The following CD2AP variants were observed in gnomAD, a reference collection of about 807,000 sequenced individuals.
The protein encoded by CD2AP is CD2-associated protein.
In CD2AP, 46 loss-of-function variants were observed where a neutral mutation model predicts 85.1. The observed-to-expected ratio is 0.54, with a 90% confidence interval of 0.43 to 0.69. The LOEUF (loss-of-function observed/expected upper bound fraction) is 0.69. CD2AP is among the 30% of genes least tolerant of loss of function. The probability of loss-of-function intolerance (pLI) is 0.00; values close to 1 mark genes in which losing one functional copy is unlikely to be tolerated. For synonymous variants in CD2AP, 255 were observed against 252.9 expected (o/e 1.01, Z -0.08); for missense variants, 769 against 729.5 (o/e 1.05, Z -0.62).
intron 2 of CD2AP, among the ~76,000 whole-genome samples, chr6:47,529,942 A>T (rs1766828641): frequency 6.6e-6 from 1 of 152,126 alleles, no homozygotes; most frequent in African/African-American, 2.4e-5. Context: ...TGTTGTCTTC[A>T]TTCCTCAGAA....
intron 10 of CD2AP, among the ~76,000 whole-genome samples, chr6:47,581,234 T>C (rs535009896): frequency 1.3e-5 from 2 of 152,320 alleles, no homozygotes; most frequent in South Asian, 4.1e-4. Flanking sequence ...CATTTGTTAA[T>C]GTCTCAAATA....
rs200798500 is a variant in CD2AP, at chr6:47,595,959, A to C, written c.1207A>C (p.Arg403=). The change falls in exon 12 of 18, where the codon AGA becomes CGA. Residue 403 remains arginine (R), a synonymous_variant. Coordinates refer to ENST00000359314, the MANE Select transcript of CD2AP (RefSeq NM_012120.3). ...ACCTACCAAAGCCAGTAATTTACTG[A>C]GATCTTCTGGAACAGTGTACCCAAA... ...TPPTKASNLL[R]SSGTVYPKRP... 4 of 1,612,262 alleles carry C rather than the reference A, an allele frequency of 2.5e-6. No homozygotes were observed. The African/African-American group carries it at 4.0e-5, about 16-fold the overall frequency.
intron 5 of CD2AP, among the ~76,000 whole-genome samples, chr6:47,555,264 C>T (rs990012577): frequency 6.6e-6 from 1 of 152,126 alleles, no homozygotes; most frequent in Non-Finnish European, 1.5e-5. Context: ...ATTTGCTCAC[C>T]ATTTAAGAGT....
intron 4 of CD2AP, chr6:47,545,222 G>A (rs1767332873): frequency 6.4e-6 from 1 of 155,292 alleles, no homozygotes; most frequent in Admixed American, 6.4e-5. Context: ...CTCACATTGT[G>A]AACTTTTGCT....
intron 1 of CD2AP, among the ~76,000 whole-genome samples, chr6:47,497,380 C>A (rs1415838731): frequency 2.0e-5 from 3 of 149,566 alleles, no homozygotes; most frequent in Non-Finnish European, 4.4e-5. Flanking sequence ...CTTCTCCTTC[C>A]CTGTCGCCTT....
At chr6:47,485,991 A>AT (rs1437613919) in intron 1 of CD2AP, among the ~76,000 whole-genome samples, 1 of 152,218 alleles carries the variant, frequency 6.6e-6, no homozygotes, top group African/African-American at 2.4e-5. Flanking sequence ...CCTAAGATGC[A>AT]TCCCCATTGT....
At chr6:47,599,485 A>T in intron 13 of CD2AP, 42 bp downstream of exon 13, 1 of 1,553,992 alleles carries the variant, frequency 6.4e-7, no homozygotes. Flanking sequence ...AAAAAAAAAA[A>T]TTGTCAAAGA....
chr6:47,557,099 G>C (rs1338400951), intron 5 of CD2AP, among the ~76,000 whole-genome samples: 1 of 151,040 alleles, frequency 6.6e-6, no homozygotes, highest in Admixed American at 6.6e-5. Flanking sequence ...TTTTTCATAG[G>C]TTTGTTGGCC....
chr6:47,585,539 C>A (rs1442797878), intron 11 of CD2AP, among the ~76,000 whole-genome samples: 1 of 152,102 alleles, frequency 6.6e-6, no homozygotes, highest in African/African-American at 2.4e-5. Flanking sequence ...TTACAGGCAG[C>A]AGAAAGGAGG....
At chr6:47,487,430 C>A (rs918746214) in intron 1 of CD2AP, among the ~76,000 whole-genome samples, 5 of 152,188 alleles carry the variant, frequency 3.3e-5, no homozygotes, top group African/African-American at 1.2e-4. Context: ...GTGGCTCACG[C>A]CTGTAATCCC....
intron 11 of CD2AP, among the ~76,000 whole-genome samples, chr6:47,588,923 A>T (rs149535230): frequency 0.012 from 1,830 of 152,238 alleles, 15 homozygotes; most frequent in Middle Eastern, 0.054. Flanking sequence ...TTATAAGAAG[A>T]ATACTATTTA....
At chr6:47,554,901 G>A (rs1041774863) in intron 5 of CD2AP, 135 bp downstream of exon 5, 2 of 750,946 alleles carry the variant, frequency 2.7e-6, no homozygotes, top group Non-Finnish European at 4.2e-6. Flanking sequence ...CTTTAAAAAA[G>A]CAAATTATGA....
intron 17 of CD2AP, among the ~76,000 whole-genome samples, chr6:47,613,572 G>A (rs1769503883): frequency 6.6e-6 from 1 of 151,224 alleles, no homozygotes; most frequent in South Asian, 2.1e-4. Flanking sequence ...AAATCATGCT[G>A]TAAACAGATG....
intron 5 of CD2AP, among the ~76,000 whole-genome samples, chr6:47,557,210 AGAT>A (rs1767723050): frequency 7.0e-6 from 1 of 143,262 alleles, no homozygotes; most frequent in Non-Finnish European, 1.5e-5. Context: ...AGTTCTTTGT[AGAT>A]TCTGGATATT....
intron 17 of CD2AP, among the ~76,000 whole-genome samples, chr6:47,622,808 C>T (rs1293766996): frequency 6.6e-6 from 1 of 152,124 alleles, no homozygotes; most frequent in Non-Finnish European, 1.5e-5. Context: ...TGCGAGTCTC[C>T]GCATGCTGTT....
At chr6:47,570,707 G>GT (rs1768125361) in intron 5 of CD2AP, among the ~76,000 whole-genome samples, 1 of 152,084 alleles carries the variant, frequency 6.6e-6, no homozygotes, top group Non-Finnish European at 1.5e-5. Flanking sequence ...GAATAAATTA[G>GT]TTTACTTCTC....
chr6:47,608,619 G>A (rs1322127082), intron 15 of CD2AP, among the ~76,000 whole-genome samples: 1 of 152,118 alleles, frequency 6.6e-6, no homozygotes, highest in East Asian at 1.9e-4. Context: ...TCTCTCAGCT[G>A]TCAGCAGTCT....
intron 17 of CD2AP, among the ~76,000 whole-genome samples, chr6:47,622,065 GT>G: frequency 6.6e-6 from 1 of 152,198 alleles, no homozygotes; most frequent in Non-Finnish European, 1.5e-5. Context: ...CACTGGAGTT[GT>G]GTAGCTAGGA....
intron 2 of CD2AP, among the ~76,000 whole-genome samples, chr6:47,529,385 C>T (rs141785030): frequency 4.1e-4 from 63 of 152,282 alleles, no homozygotes; most frequent in Non-Finnish European, 6.6e-4. Flanking sequence ...TTTCCTCCCA[C>T]ATCCCCAAGA....
Sources: allele counts gnomAD v4.1 joint callset (sites outside exome capture counted in the v4.1 genomes callset), GRCh38; gene constraint gnomAD v4.1.1; transcripts MANE v1.5; gene names NCBI Gene and HGNC (gene_info 2026-07-23, HGNC 2026-07-21).